Variants in LHFPL3 observed in about 807,000 individuals in gnomAD.
The protein encoded by LHFPL3 is LHFPL tetraspan subfamily member 3.
In LHFPL3, 5 loss-of-function variants were observed where a neutral mutation model predicts 19.3. That is an observed-to-expected ratio of 0.26 (90% CI 0.14 to 0.54). The LOEUF (loss-of-function observed/expected upper bound fraction) is 0.54. Among genes scored for constraint, LHFPL3 ranks in the 20% least tolerant of loss-of-function variants. The probability of loss-of-function intolerance (pLI) is 0.94; values close to 1 mark genes in which losing one functional copy is unlikely to be tolerated. For synonymous variants in LHFPL3, 133 were observed against 126.2 expected (o/e 1.05, Z -0.36); for missense variants, 249 against 307.4 (o/e 0.81, Z 1.42).
At chr7:104,880,248 G>A (rs1442393368) in intron 2 of LHFPL3, among the ~76,000 whole-genome samples, 2 of 152,000 alleles carry the variant, frequency 1.3e-5, no homozygotes, top group African/African-American at 2.4e-5. Flanking sequence ...CATGAGATCT[G>A]GTTGTTTAAA....
intron 1 of LHFPL3, among the ~76,000 whole-genome samples, chr7:104,678,215 G>A (rs1375894734): frequency 1.3e-5 from 2 of 151,954 alleles, no homozygotes; most frequent in Non-Finnish European, 2.9e-5. Flanking sequence ...TATATATTTG[G>A]TTGTTGTTAT....
At chr7:104,827,489 G>A (rs1325605900) in intron 2 of LHFPL3, among the ~76,000 whole-genome samples, 2 of 151,864 alleles carry the variant, frequency 1.3e-5, no homozygotes, top group Non-Finnish European at 2.9e-5. Flanking sequence ...CCTAGTTCAG[G>A]TAATGGCCTG....
chr7:104,445,285 A>G (rs945771526), intron 1 of LHFPL3, among the ~76,000 whole-genome samples: 4 of 152,162 alleles, frequency 2.6e-5, no homozygotes, highest in African/African-American at 9.7e-5. Flanking sequence ...GTGATATGGT[A>G]CAGACATAAG....
intron 1 of LHFPL3, among the ~76,000 whole-genome samples, chr7:104,598,923 G>C (rs1790914339): frequency 7.2e-6 from 1 of 139,258 alleles, no homozygotes; most frequent in Non-Finnish European, 1.6e-5. Flanking sequence ...CTAGACAACA[G>C]GTATCATTCC....
intron 1 of LHFPL3, among the ~76,000 whole-genome samples, chr7:104,721,523 G>A (rs1047062459): frequency 6.7e-6 from 1 of 149,946 alleles, no homozygotes; most frequent in Non-Finnish European, 1.5e-5. Flanking sequence ...ATGTACCCTA[G>A]AACTTAAAGT....
At chr7:104,357,777 T>C (rs200691084) in intron 1 of LHFPL3, among the ~76,000 whole-genome samples, 31 of 131,598 alleles carry the variant, frequency 2.4e-4, no homozygotes, top group African/African-American at 7.1e-4. Context: ...TCCTCCTCCT[T>C]CTCCTGCTCC....
At chr7:104,692,452 G>C (rs539429914) in intron 1 of LHFPL3, among the ~76,000 whole-genome samples, 8 of 152,314 alleles carry the variant, frequency 5.3e-5, no homozygotes, top group Non-Finnish European at 8.8e-5. Flanking sequence ...TTGTTTCATG[G>C]GCTGGGCCCA....
chr7:104,582,166 C>T (rs1403191634), intron 1 of LHFPL3, among the ~76,000 whole-genome samples: 1 of 151,776 alleles, frequency 6.6e-6, no homozygotes, highest in Non-Finnish European at 1.5e-5. Context: ...GAGATTTGTA[C>T]ATCTTTTTAA....
intron 2 of LHFPL3, among the ~76,000 whole-genome samples, chr7:104,876,827 G>A (rs546950642): frequency 6.6e-6 from 1 of 152,198 alleles, no homozygotes; most frequent in Non-Finnish European, 1.5e-5. Context: ...ACATGCACAT[G>A]TATGTTTATT....
intron 1 of LHFPL3, among the ~76,000 whole-genome samples, chr7:104,388,128 T>C (rs1790986108): frequency 6.6e-6 from 1 of 152,198 alleles, no homozygotes; most frequent in Non-Finnish European, 1.5e-5. Context: ...CACTCCTTTT[T>C]ATGGCTGCCT....
intron 1 of LHFPL3, among the ~76,000 whole-genome samples, chr7:104,561,900 T>G (rs1790012719): frequency 1.3e-5 from 2 of 152,148 alleles, no homozygotes; most frequent in African/African-American, 2.4e-5. Flanking sequence ...TCTCTCAGCA[T>G]TTGCTTGTCT....
intron 1 of LHFPL3, chr7:104,669,433 A>C (rs1315779642): frequency 2.8e-5 from 45 of 1,613,248 alleles, no homozygotes; most frequent in Admixed American, 6.7e-5. Context: ...GAAAGATGGC[A>C]AAAAGGATCA....
chr7:104,712,192 G>C (rs1268238724), intron 1 of LHFPL3, among the ~76,000 whole-genome samples: 2 of 152,188 alleles, frequency 1.3e-5, no homozygotes, highest in Non-Finnish European at 2.9e-5. Flanking sequence ...TATGTGAAAA[G>C]GACTCAACCA....
intron 1 of LHFPL3, among the ~76,000 whole-genome samples, chr7:104,580,811 CCTT>C (rs1170828168): frequency 4.6e-5 from 7 of 151,934 alleles, no homozygotes; most frequent in Non-Finnish European, 1.0e-4. Flanking sequence ...TTTATGTAAT[CCTT>C]CTTTTACTCA....
chr7:104,827,839 T>C (rs1363779811), intron 2 of LHFPL3, among the ~76,000 whole-genome samples: 1 of 151,964 alleles, frequency 6.6e-6, no homozygotes, highest in Non-Finnish European at 1.5e-5. Context: ...ACCTGTGCCA[T>C]CTCTGGATCA....
At chr7:104,472,054 G>A (rs1380435407) in intron 1 of LHFPL3, among the ~76,000 whole-genome samples, 1 of 151,904 alleles carries the variant, frequency 6.6e-6, no homozygotes, top group East Asian at 1.9e-4. Context: ...GCGTGTACCT[G>A]TAGTCTCAGC....
chr7:104,393,961 A>G (rs898620931), intron 1 of LHFPL3, among the ~76,000 whole-genome samples: 2 of 152,168 alleles, frequency 1.3e-5, no homozygotes, highest in Non-Finnish European at 2.9e-5. Context: ...GGAGTGGGAA[A>G]TGACTATTAA....
intron 1 of LHFPL3, among the ~76,000 whole-genome samples, chr7:104,564,549 A>G (rs2115964711): frequency 6.6e-6 from 1 of 152,348 alleles, no homozygotes; most frequent in South Asian, 2.1e-4. Context: ...CTGATCATCT[A>G]AATAAAAGTT....
intron 1 of LHFPL3, among the ~76,000 whole-genome samples, chr7:104,428,649 G>T (rs971425713): frequency 6.6e-6 from 1 of 152,102 alleles, no homozygotes; most frequent in African/African-American, 2.4e-5. Context: ...ACCTGTCTTT[G>T]TGAAACTATT....
Sources: gnomAD v4.1 joint callset for allele counts (sites outside exome capture counted in the v4.1 genomes callset) on GRCh38, gnomAD v4.1.1 for gene constraint, MANE v1.5 for transcripts, NCBI Gene and HGNC (gene_info 2026-07-23, HGNC 2026-07-21) for gene names.